Variants in RNF128 observed in about 807,000 individuals in gnomAD.
RNF128 encodes E3 ubiquitin-protein ligase RNF128.
Under a neutral mutation model 26.2 loss-of-function variants are expected in RNF128, and 13 were observed. That is an observed-to-expected ratio of 0.50 (90% CI 0.32 to 0.79). RNF128 has a LOEUF of 0.79. Among genes scored for constraint, RNF128 ranks in the 30% least tolerant of loss-of-function variants. RNF128 has a pLI of 0.03. For synonymous variants in RNF128, 149 were observed against 142.5 expected (o/e 1.05, Z -0.32); for missense variants, 315 against 349.7 (o/e 0.90, Z 0.79).
rs969298384 is a variant in RNF128 at position 106,766,771 on chromosome X, G to C, written c.485-6142G>C. Among the ~76,000 whole-genome samples the C allele has an allele frequency of 2.7e-5, 3 of 111,453 alleles. No homozygotes were observed. In the East Asian group the frequency reaches 8.4e-4, roughly 31 times the overall value. ...TTGTTGCCATTGCTTTTGGTGTTTT[G>C]GTCATGAAGTCCTTGCCCATGCCTA... On this transcript the variant is annotated intron_variant, in intron 1 of 6. Coordinates refer to ENST00000255499, the MANE Select transcript of RNF128 (RefSeq NM_194463.2).
intron 1 of RNF128, among the ~76,000 whole-genome samples, chrX:106,739,455 G>A (rs1026133339): frequency 1.3e-4 from 15 of 111,535 alleles, no homozygotes; most frequent in African/African-American, 3.9e-4. Context: ...AACCATGCCC[G>A]GCCCTCATAT....
At chrX:106,708,669 C>T (rs1929080214) in intron 1 of RNF128, among the ~76,000 whole-genome samples, 1 of 111,856 alleles carries the variant, frequency 8.9e-6, no homozygotes, top group Non-Finnish European at 1.9e-5. Context: ...TAAAGCAGAT[C>T]CAGCAGTGCT....
intron 5 of RNF128, among the ~76,000 whole-genome samples, chrX:106,790,560 A>G (rs1046512822): frequency 9.0e-6 from 1 of 110,822 alleles, no homozygotes; most frequent in Non-Finnish European, 1.9e-5. Flanking sequence ...TGTTTTTGTA[A>G]TCTTTTACTA....
chrX:106,750,848 G>T (rs1929871061), intron 1 of RNF128, among the ~76,000 whole-genome samples: 2 of 111,911 alleles, frequency 1.8e-5, no homozygotes, highest in Non-Finnish European at 3.8e-5. Context: ...GAGTCAGACT[G>T]CTTGATTGCT....
At chrX:106,776,971 A>G (rs1930475511) in intron 2 of RNF128, among the ~76,000 whole-genome samples, 1 of 111,835 alleles carries the variant, frequency 8.9e-6, no homozygotes, top group African/African-American at 3.2e-5. Flanking sequence ...GCAACTGGTG[A>G]CAGCATTTGT....
At chrX:106,729,453 A>G (rs1157850382) in intron 1 of RNF128, among the ~76,000 whole-genome samples, 2 of 111,011 alleles carry the variant, frequency 1.8e-5, no homozygotes, top group Admixed American at 1.9e-4. Flanking sequence ...ACTGAATGTT[A>G]TAATAGGTTA....
chrX:106,703,738 A>T (rs965396645), intron 1 of RNF128, among the ~76,000 whole-genome samples: 3 of 111,388 alleles, frequency 2.7e-5, no homozygotes, highest in Non-Finnish European at 5.6e-5. Context: ...TGGAAGGGTC[A>T]TCAACATAGA....
At chrX:106,791,002 A>G in intron 5 of RNF128, 64 bp from the exon 6 acceptor site, 2 of 1,025,227 alleles carry the variant, frequency 2.0e-6, no homozygotes, top group Non-Finnish European at 1.3e-6. Flanking sequence ...GAAACTTTGA[A>G]GTGATATGTC....
chrX:106,763,384 T>G (rs895667441), intron 1 of RNF128, among the ~76,000 whole-genome samples: 2 of 111,708 alleles, frequency 1.8e-5, no homozygotes, highest in Non-Finnish European at 3.8e-5. Flanking sequence ...CCAGAGGGGT[T>G]GTTACACTGT....
At chrX:106,694,092 C>G in exon 1 of RNF128, 1 of 1,207,730 alleles carries the variant, frequency 8.3e-7, no homozygotes, top group South Asian at 1.8e-5. Flanking sequence ...CAATGAGTGC[C>G]TATGTGACTG....
chrX:106,693,899 T>C, exon 1 of RNF128: 1 of 712,159 alleles, frequency 1.4e-6, no homozygotes, highest in Non-Finnish European at 2.1e-6. Flanking sequence ...TACGTGCAAC[T>C]GAAATTTCAA....
At chrX:106,714,221 C>T (rs1438525631) in intron 1 of RNF128, among the ~76,000 whole-genome samples, 1 of 108,040 alleles carries the variant, frequency 9.3e-6, no homozygotes, top group Non-Finnish European at 1.9e-5. Flanking sequence ...GTACTATGGG[C>T]TTTATGTTTC....
At chrX:106,777,584 G>A (rs955825152) in intron 2 of RNF128, among the ~76,000 whole-genome samples, 12 of 111,861 alleles carry the variant, frequency 1.1e-4, no homozygotes, top group Non-Finnish European at 2.1e-4. Flanking sequence ...CTGCCACACC[G>A]GAGGCAGCAA....
intron 1 of RNF128, among the ~76,000 whole-genome samples, chrX:106,713,015 G>C (rs1929154991): frequency 9.3e-6 from 1 of 107,110 alleles, no homozygotes; most frequent in Non-Finnish European, 1.9e-5. Context: ...CCAGTAGCTG[G>C]GACTGCAGGT....
intron 1 of RNF128, among the ~76,000 whole-genome samples, chrX:106,721,226 T>C (rs1161025456): frequency 8.9e-6 from 1 of 112,165 alleles, no homozygotes; most frequent in Non-Finnish European, 1.9e-5. Context: ...AGATTTATTG[T>C]CATCCCTTGT....
chrX:106,786,724 C>T (rs1930664364), intron 3 of RNF128, among the ~76,000 whole-genome samples: 2 of 109,878 alleles, frequency 1.8e-5, no homozygotes, highest in Admixed American at 2.0e-4. Context: ...AGGGCTGTAC[C>T]CAGAATATAA....
At chrX:106,743,295 C>T (rs1035365912) in intron 1 of RNF128, among the ~76,000 whole-genome samples, 3 of 112,270 alleles carry the variant, frequency 2.7e-5, no homozygotes, top group Non-Finnish European at 3.8e-5. Flanking sequence ...CTTCCCAATA[C>T]TTAGACTTTT....
Position 106,773,094 on chromosome X carries a change from T to C in RNF128, c.666T>C (p.Thr222=). ...CCTTTTTTATTATTACGGCGGCAAC[T>C]GTGGGCTATTTTATCTTTTATTCTG... ...SVSFFIITAA[T]VGYFIFYSAR... is the part of the protein sequence containing the mutation. Residue 222 remains threonine (T), a synonymous_variant, in exon 2 of 7, where the codon ACT becomes ACC. Coordinates refer to ENST00000255499, the MANE Select transcript of RNF128 (RefSeq NM_194463.2). 1 of 1,210,820 alleles carries C rather than the reference T, an allele frequency of 8.3e-7. No individual in the cohort carries two copies. The highest frequency in any genetic ancestry group is 1.1e-6 in the Non-Finnish European group (1 of 894,960).
chrX:106,727,301 G>A lies in RNF128; in HGVS notation c.388G>A (p.Asp130Asn), dbSNP rs757757655. 1.7e-6 allele frequency: 2 copies of A among 1,211,862 alleles called. No homozygotes were observed. Among genetic ancestry groups the A allele is most frequent in the Non-Finnish European group, 1.1e-6 (1 of 895,520 alleles). Residue 130 changes from aspartate to asparagine, a missense_variant, in exon 1 of 7, where the codon GAC (aspartate) becomes AAC (asparagine). Transcript: ENST00000255499. ...IQRGGGCTFA[D>N]KIHLAYERGA... is the part of the protein sequence containing the mutation. ...ACGCGGCGGGGGCTGCACCTTCGCAGACAAGATCCATCTGGCTTATGAGAG... is the reference window on the plus strand; with the variant it reads ...ACGCGGCGGGGGCTGCACCTTCGCAAACAAGATCCATCTGGCTTATGAGAG...
Sources: allele counts gnomAD v4.1 joint callset (sites outside exome capture counted in the v4.1 genomes callset), GRCh38; gene constraint gnomAD v4.1.1; transcripts MANE v1.5; gene names NCBI Gene and HGNC (gene_info 2026-07-23, HGNC 2026-07-21).